The following OS9 variants were observed in gnomAD, a reference collection of about 807,000 sequenced individuals.
OS9 encodes protein OS-9.
Under a neutral mutation model 84.7 loss-of-function variants are expected in OS9, and 58 were observed. The ratio of observed to expected loss-of-function variants is 0.68; its 90% CI spans 0.55 to 0.85. The LOEUF is 0.85. Among genes scored for constraint, OS9 ranks in the 40% least tolerant of loss-of-function variants. OS9 has a pLI of 0.00. For missense variants in OS9, 760 were observed against 850.9 expected (o/e 0.89, Z 1.33); for synonymous variants, 278 against 320.8 (o/e 0.87, Z 1.43).
At position 57,716,455 on chromosome 12, in the gene OS9, G is replaced by A. The variant is rs758049558; in HGVS notation, c.936G>A (p.Trp312Ter). 1 of 1,570,244 alleles carries A rather than the reference G, an allele frequency of 6.4e-7. No individual in the cohort carries two copies. Among genetic ancestry groups the A allele is most frequent in the South Asian group, 1.2e-5 (1 of 85,566 alleles). The change falls in exon 8 of 15, where the codon TGG (tryptophan) becomes TGA (stop). Residue 312 changes from tryptophan to a stop codon, truncating the protein, a stop_gained. Transcript: ENST00000315970. LOFTEE classifies it high-confidence loss of function. ...ATGACAGTAAGGACTCAGATTTCTGGAAGATGCTTAATGAGCCAGAGGACC... is the reference window on the plus strand; with the variant it reads ...ATGACAGTAAGGACTCAGATTTCTGAAAGATGCTTAATGAGCCAGAGGACC... The part of the protein sequence containing the change: ...TKDDSKDSDF[W>*]KMLNEPEDQA...
At chr12:57,705,589 C>T (rs570586547) in intron 5 of OS9, among the ~76,000 whole-genome samples, 19 of 152,120 alleles carry the variant, frequency 1.2e-4, no homozygotes, top group Admixed American at 5.2e-4. Context: ...GGCTGGGGTG[C>T]GATCTTGGCT....
intron 5 of OS9, among the ~76,000 whole-genome samples, chr12:57,711,464 A>C (rs1322068225): frequency 6.8e-6 from 1 of 147,376 alleles, no homozygotes; most frequent in African/African-American, 2.5e-5. Context: ...CACCTGCCTC[A>C]GCCTCCCGAG....
intron 11 of OS9, 64 bp from the exon 12 acceptor site, chr12:57,718,929 C>A (rs925252876): frequency 8.2e-7 from 1 of 1,212,278 alleles, no homozygotes; most frequent in Admixed American, 2.0e-5. Context: ...CCTACAGAGC[C>A]CAGCCCGCTG....
intron 7 of OS9, 65 bp from the exon 8 acceptor site, chr12:57,716,347 C>A: frequency 2.2e-6 from 3 of 1,343,092 alleles, no homozygotes; most frequent in Non-Finnish European, 3.1e-6. Context: ...GGACCCCATC[C>A]TATTTGCTCC....
intron 5 of OS9, among the ~76,000 whole-genome samples, chr12:57,702,613 G>A (rs1175440122): frequency 1.3e-5 from 2 of 152,134 alleles, no homozygotes; most frequent in East Asian, 3.8e-4. Flanking sequence ...TGTGCCTTAT[G>A]GTAATTCTAG....
Position 57,694,226 on chromosome 12 carries a change from C to T in OS9, c.65C>T (p.Ala22Val), listed in dbSNP as rs769460152. 3.7e-6 allele frequency: 6 copies of T among 1,614,160 alleles called. No homozygotes were observed. In the African/African-American group the frequency reaches 4.0e-5, roughly 11 times the overall value. Reference sequence around the variant, plus strand: ...CTGCTTCTGGGACTCCTGTTACCCGCAAGTCTGACCGGCGGTGTCGGGAGC... The same window carrying T: ...CTGCTTCTGGGACTCCTGTTACCCGTAAGTCTGACCGGCGGTGTCGGGAGC... ...GLLLLGLLLP[A>V]SLTGGVGSLN... Residue 22 changes from alanine (A) to valine (V), a missense_variant, in exon 1 of 15, where the codon GCA (alanine) becomes GTA (valine). Coordinates refer to ENST00000315970, the MANE Select transcript of OS9 (RefSeq NM_006812.4).
intron 5 of OS9, among the ~76,000 whole-genome samples, chr12:57,712,744 C>T (rs1216152127): frequency 6.6e-6 from 1 of 151,932 alleles, no homozygotes; most frequent in Non-Finnish European, 1.5e-5. Flanking sequence ...TGTTCAGTGA[C>T]TTGGCTGCAC....
intron 5 of OS9, among the ~76,000 whole-genome samples, chr12:57,699,702 C>T (rs1463312085): frequency 6.6e-6 from 1 of 152,240 alleles, no homozygotes; most frequent in Non-Finnish European, 1.5e-5. Context: ...GCACCCCTGA[C>T]CAGTCCTTTG....
intron 5 of OS9, among the ~76,000 whole-genome samples, chr12:57,711,107 C>T (rs1198458984): frequency 6.6e-6 from 1 of 150,916 alleles, no homozygotes; most frequent in Non-Finnish European, 1.5e-5. Flanking sequence ...TGCTCATTTC[C>T]CATTCTCTCC....
Position 57,720,785 on chromosome 12 carries a change from T to G in OS9, c.1880T>G (p.Val627Gly), listed in dbSNP as rs764713868. Reference protein sequence around the residue: ...NLKEIFFNILVPGAEEAQKER... With the variant: ...NLKEIFFNILGPGAEEAQKER... ...CCCACCTCTACCCTCTCCCACCAGG[T>G]GCCGGGAGCTGAAGAGGCCCAGAAG... Residue 627 changes from valine (V) to glycine (G), a missense_variant and splice_region_variant, in exon 15 of 15, where the codon GTG becomes GGG. By Grantham distance (109) the Val-to-Gly change is moderately radical. Coordinates refer to ENST00000315970, the MANE Select transcript of OS9 (RefSeq NM_006812.4). 1 of 1,604,780 alleles carries G rather than the reference T, an allele frequency of 6.2e-7. No individual in the cohort carries two copies. Among genetic ancestry groups the G allele is most frequent in the Non-Finnish European group, 8.5e-7 (1 of 1,175,210 alleles).
intron 5 of OS9, 22 bp from the exon 6 acceptor site, chr12:57,715,738 T>G: frequency 6.5e-7 from 1 of 1,545,780 alleles, no homozygotes; most frequent in Middle Eastern, 1.7e-4. Context: ...ATTAAGTGTA[T>G]TCATCCTTTC....
chr12:57,696,854 G>A (rs1260073665), intron 5 of OS9, among the ~76,000 whole-genome samples: 2 of 151,448 alleles, frequency 1.3e-5, no homozygotes, highest in Non-Finnish European at 2.9e-5. Context: ...GGTGGCTCAC[G>A]CCTGTAATCC....
intron 5 of OS9, among the ~76,000 whole-genome samples, chr12:57,702,447 G>T (rs1954053358): frequency 6.6e-6 from 1 of 152,130 alleles, no homozygotes; most frequent in African/African-American, 2.4e-5. Context: ...ATGTTCCATT[G>T]TCTGTATATA....
intron 11 of OS9, 110 bp downstream of exon 11, chr12:57,718,531 C>T (rs1954580417): frequency 1.7e-6 from 2 of 1,161,302 alleles, no homozygotes; most frequent in South Asian, 1.5e-5. Flanking sequence ...AAGGACGGGG[C>T]ACTTGGAAGT....
Position 57,718,289 on chromosome 12 carries a change from T to C in OS9, c.1278T>C (p.Asp426=). 6.2e-7 allele frequency: 1 copy of C among 1,613,616 alleles called. No homozygotes were observed. Among genetic ancestry groups the C allele is most frequent in the Non-Finnish European group, 8.5e-7 (1 of 1,179,632 alleles). ...ATGAGGATGAGGATGAGGATGAAGATGAGGATGAACGGCAGTTACTGGGAG... is the reference window on the plus strand; with the variant it reads ...ATGAGGATGAGGATGAGGATGAAGACGAGGATGAACGGCAGTTACTGGGAG... ...EEDEDEDEDE[D]EDERQLLGEF... The change falls in exon 11 of 15, where the codon GAT becomes GAC. Residue 426 remains aspartate, a synonymous_variant. Coordinates refer to ENST00000315970, the MANE Select transcript of OS9 (RefSeq NM_006812.4).
intron 5 of OS9, among the ~76,000 whole-genome samples, chr12:57,705,793 G>T (rs1954148902): frequency 6.6e-6 from 1 of 152,134 alleles, no homozygotes; most frequent in South Asian, 2.1e-4. Flanking sequence ...AAAGTGCTGG[G>T]ATTACAGGCA....
At chr12:57,695,247 A>G in intron 2 of OS9, 1 of 415,618 alleles carries the variant, frequency 2.4e-6, no homozygotes, top group South Asian at 2.3e-5. Flanking sequence ...CTGCTCCAGT[A>G]TCCTGTTTTA....
chr12:57,697,928 C>T (rs1240847363), intron 5 of OS9, among the ~76,000 whole-genome samples: 2 of 71,752 alleles, frequency 2.8e-5, no homozygotes, highest in African/African-American at 4.5e-5. Context: ...CACACATACA[C>T]ACACACACAC....
intron 5 of OS9, among the ~76,000 whole-genome samples, chr12:57,709,612 G>T (rs999591176): frequency 6.6e-6 from 1 of 152,072 alleles, no homozygotes; most frequent in African/African-American, 2.4e-5. Context: ...TCACCGTATT[G>T]TTCAGATTTT....
Sources: allele counts gnomAD v4.1 joint callset (sites outside exome capture counted in the v4.1 genomes callset), GRCh38; gene constraint gnomAD v4.1.1; transcripts MANE v1.5; gene names NCBI Gene and HGNC (gene_info 2026-07-23, HGNC 2026-07-21).